PRDM16: variants seen among roughly 807,000 people sequenced by gnomAD.
PRDM16 encodes histone-lysine N-methyltransferase PRDM16.
In PRDM16, 23 loss-of-function variants were observed where a neutral mutation model predicts 110.6. The observed-to-expected ratio is 0.21, with a 90% CI of 0.15 to 0.29. PRDM16 has a LOEUF of 0.29. Ranked by LOEUF, PRDM16 falls within the 10% of genes least tolerant of loss-of-function variation. The pLI, the probability that PRDM16 is intolerant of heterozygous loss-of-function variation, is 1.00. For missense variants in PRDM16, 1,615 were observed against 1,794.3 expected, an observed-to-expected ratio of 0.90 and a Z score of 1.81; for synonymous variants, 799 against 781.8, an observed-to-expected ratio of 1.02 and a Z score of -0.37.
chr1:3,245,346 C>T lies in PRDM16; in HGVS notation c.438+1209C>T, dbSNP rs929635514. 2.0e-5 allele frequency among the ~76,000 whole-genome samples: 3 copies of T among 152,290 alleles called. No homozygotes were observed. Among genetic ancestry groups the T allele is most frequent in the South Asian group, 2.1e-4 (1 of 4,822 alleles). ...CGAGGCATTTGGGCAGAGCTGCCTACGAGGGACAGGGGACCCACCATCTGG... is the reference window on the plus strand; with the variant it reads ...CGAGGCATTTGGGCAGAGCTGCCTATGAGGGACAGGGGACCCACCATCTGG... On this transcript the variant is annotated intron_variant, in intron 3 of 16. Coordinates refer to ENST00000270722, the MANE Select transcript of PRDM16 (RefSeq NM_022114.4). This position sits in a 1 kb window ranked among gnomAD's most constrained non-coding sequence, Gnocchi z 4.7.
At chr1:3,329,638 C>T (rs1380996442) in intron 3 of PRDM16, among the ~76,000 whole-genome samples, 1 of 152,222 alleles carries the variant, frequency 6.6e-6, no homozygotes, top group Non-Finnish European at 1.5e-5. Context: ...TGCCAGAGCC[C>T]TCCAGCCCAG....
At chr1:3,385,411 C>G (rs1418860038) in intron 4 of PRDM16, 125 bp downstream of exon 4, 1 of 1,082,968 alleles carries the variant, frequency 9.2e-7, no homozygotes, top group African/African-American at 1.5e-5. Context: ...CTGCCAAGCC[C>G]TGGCCTGCAG....
chr1:3,200,779 G>A lies in PRDM16; in HGVS notation c.387+14305G>A, dbSNP rs541623076. On this transcript the variant is annotated intron_variant, in intron 2 of 16. Coordinates refer to ENST00000270722, the MANE Select transcript of PRDM16 (RefSeq NM_022114.4). Reference sequence around the variant, plus strand: ...CTTCCGCCAAGTGGACAGGGCTTGGGGGTCATGGGGCGAGTGTCTCCTGCA... The same window carrying A: ...CTTCCGCCAAGTGGACAGGGCTTGGAGGTCATGGGGCGAGTGTCTCCTGCA... Among the ~76,000 whole-genome samples the A allele has an allele frequency of 2.6e-5, 4 of 152,292 alleles. No homozygotes were observed. The East Asian group carries it at 7.7e-4, about 29-fold the overall frequency.
chr1:3,169,385 C>G (rs1265604291), intron 1 of PRDM16, among the ~76,000 whole-genome samples: 2 of 152,158 alleles, frequency 1.3e-5, no homozygotes, highest in Non-Finnish European at 2.9e-5. Context: ...AGCCCCGTCC[C>G]TAGCGACTCT....
At chr1:3,136,900 C>T (rs1322913132) in intron 1 of PRDM16, among the ~76,000 whole-genome samples, 1 of 152,214 alleles carries the variant, frequency 6.6e-6, no homozygotes, top group Admixed American at 6.5e-5. Context: ...AAGATGCCAG[C>T]TGGAACTTGG....
rs12025357 is a variant in PRDM16 at position 3,147,090 on chromosome 1, G to A, written c.38-39035G>A. ...GTGGGGTGTGTGTATGTGTGCGCTC[G>A]GTGTGGGGTGTGTGTACGCGTGTGC... On this transcript the variant is annotated intron_variant, in intron 1 of 16. Coordinates refer to ENST00000270722, the MANE Select transcript of PRDM16 (RefSeq NM_022114.4). 5.3e-4 allele frequency among the ~76,000 whole-genome samples: 74 copies of A among 138,972 alleles called. No homozygotes were observed. The East Asian group carries it at 8.5e-3, about 16-fold the overall frequency. 91.2% of individuals were successfully genotyped at this position (138,972 alleles called of 152,430 possible).
At chr1:3,204,473 C>T (rs77634671) in intron 2 of PRDM16, among the ~76,000 whole-genome samples, 1,985 of 152,322 alleles carry the variant, frequency 0.013, 60 homozygotes, top group East Asian at 0.084. Flanking sequence ...AGACACACAC[C>T]CTCCTGGAAG....
chr1:3,409,840 T>TGGTGTATGTGCGTGTGTGA (rs1643646132), intron 8 of PRDM16, among the ~76,000 whole-genome samples: 1 of 135,628 alleles, frequency 7.4e-6, no homozygotes, highest in African/African-American at 2.8e-5. Flanking sequence ...TGTGGGTGTG[T>TGGTGTATGTGCGTGTGTGA]GGTGTGGGTG....
At chr1:3,074,985 G>A (rs1641864543) in intron 1 of PRDM16, among the ~76,000 whole-genome samples, 1 of 152,206 alleles carries the variant, frequency 6.6e-6, no homozygotes, top group Non-Finnish European at 1.5e-5. Flanking sequence ...GGCCAGGAGT[G>A]CTCCCAAGCT....
intron 3 of PRDM16, among the ~76,000 whole-genome samples, chr1:3,377,265 G>A (rs1008644867): frequency 5.3e-5 from 8 of 152,240 alleles, no homozygotes; most frequent in East Asian, 1.9e-4. Flanking sequence ...AGCAGGAGAC[G>A]GGACCGAGAG....
chr1:3,356,708 C>G (rs549595125), intron 3 of PRDM16, among the ~76,000 whole-genome samples: 2 of 152,344 alleles, frequency 1.3e-5, no homozygotes, highest in East Asian at 3.9e-4. Flanking sequence ...GACCAGCAAG[C>G]TGACAGCAGG....
At chr1:3,322,280 C>T (rs1302605668) in intron 3 of PRDM16, among the ~76,000 whole-genome samples, 2 of 152,084 alleles carry the variant, frequency 1.3e-5, no homozygotes, top group African/African-American at 4.8e-5. Flanking sequence ...ATAGCAGTGG[C>T]CTGGGAGCTC....
chr1:3,419,579 G>C (rs1638373556), intron 12 of PRDM16, among the ~76,000 whole-genome samples: 1 of 152,210 alleles, frequency 6.6e-6, no homozygotes, highest in African/African-American at 2.4e-5. Context: ...GCCAAGGCTG[G>C]TTTAGTGACA....
chr1:3,201,659 G>A lies in PRDM16; in HGVS notation c.387+15185G>A, dbSNP rs576524289. 6.6e-6 allele frequency among the ~76,000 whole-genome samples: 1 copy of A among 152,356 alleles called. No homozygotes were observed. The highest frequency in any genetic ancestry group is 1.9e-4 in the East Asian group (1 of 5,180). On this transcript the variant is annotated intron_variant, in intron 2 of 16. Coordinates refer to ENST00000270722, the MANE Select transcript of PRDM16 (RefSeq NM_022114.4). This position sits in a 1 kb window ranked among gnomAD's most constrained non-coding sequence, Gnocchi z 4.1. ...ACGTTTCTCCAGTGACCCCTGGCAG[G>A]TCGGGGACCCCAGCCACTTCCAGCA...
chr1:3,410,107 CGTGT>C (rs1300080245), intron 8 of PRDM16, among the ~76,000 whole-genome samples: 1 of 117,632 alleles, frequency 8.5e-6, no homozygotes, highest in African/African-American at 3.2e-5. Flanking sequence ...TGTGTGTGTG[CGTGT>C]GTGTGGTGTG....
rs564391083 is a variant in PRDM16, at chr1:3,390,883, C to T, written c.573+5597C>T. 1.3e-5 allele frequency among the ~76,000 whole-genome samples: 2 copies of T among 150,658 alleles called. No individual in the cohort carries two copies. The highest frequency in any genetic ancestry group is 4.2e-4 in the South Asian group (2 of 4,738). On this transcript the variant is annotated intron_variant, in intron 4 of 16. Transcript: ENST00000270722. This position sits in a 1 kb window ranked among gnomAD's most constrained non-coding sequence, Gnocchi z 5.0. ...AGAGTTTCACTCTTGTTGCCCAGGC[C>T]AGAGTGCAATAGCACAATCTCGGCT...
chr1:3,215,303 T>C (rs902535940), intron 2 of PRDM16, among the ~76,000 whole-genome samples: 2 of 120,446 alleles, frequency 1.7e-5, no homozygotes, highest in Non-Finnish European at 3.2e-5. Flanking sequence ...ACTGGGACCA[T>C]GTCAGGAAGA....
intron 3 of PRDM16, among the ~76,000 whole-genome samples, chr1:3,316,272 G>T (rs1235107995): frequency 7.0e-6 from 1 of 142,810 alleles, no homozygotes; most frequent in Non-Finnish European, 1.5e-5. Flanking sequence ...CACTGTGGGG[G>T]TAGGGGTGGG....
chr1:3,144,147 G>A (rs1643602127), intron 1 of PRDM16, among the ~76,000 whole-genome samples: 1 of 152,192 alleles, frequency 6.6e-6, no homozygotes, highest in Admixed American at 6.5e-5. Flanking sequence ...CACTATGGGA[G>A]GGACAACTCG....
Sources: gnomAD v4.1 joint callset for allele counts (sites outside exome capture counted in the v4.1 genomes callset) on GRCh38, gnomAD v4.1.1 for gene constraint, Gnocchi (gnomAD v3.1) non-coding constraint, MANE v1.5 for transcripts, NCBI Gene and HGNC (gene_info 2026-07-23, HGNC 2026-07-21) for gene names.